AGAP1: variants seen among roughly 807,000 people sequenced by gnomAD.
AGAP1 encodes the protein ArfGAP with GTPase domain, ankyrin repeat and PH domain 1, also known as arf-GAP with GTPase, ANK repeat and PH domain-containing protein 1.
Under a neutral mutation model 105.3 loss-of-function variants are expected in AGAP1, and 29 were observed. That is an observed-to-expected ratio of 0.28 (90% confidence interval 0.21 to 0.38). The LOEUF (loss-of-function observed/expected upper bound fraction) is 0.38. Ranked by LOEUF, AGAP1 falls within the 10% of genes least tolerant of loss-of-function variation. The probability of loss-of-function intolerance (pLI) is 1.00; values close to 1 mark genes in which losing one functional copy is unlikely to be tolerated. For missense variants in AGAP1, 998 were observed against 1,165.1 expected, an observed-to-expected ratio of 0.86 and a Z score of 2.09; for synonymous variants, 509 against 485.9, an observed-to-expected ratio of 1.05 and a Z score of -0.63.
rs565417384 is a variant in AGAP1 at position 235,729,389 on chromosome 2, C to T, written c.311-11574C>T. 3.3e-5 allele frequency among the ~76,000 whole-genome samples: 5 copies of T among 152,268 alleles called. No homozygotes were observed. Among genetic ancestry groups the T allele is most frequent in the African/African-American group, 9.6e-5 (4 of 41,514 alleles). On this transcript the variant is annotated intron_variant, in intron 3 of 17. Coordinates refer to ENST00000304032, the MANE Select transcript of AGAP1 (RefSeq NM_001037131.3). This position sits in a 1 kb window ranked among gnomAD's most constrained non-coding sequence, Gnocchi z 5.0. ...CAGTACCTCAGTGGCAGATGCAGCTCGTTCCAAGATGTTCCAGAGGCAGGA... is the reference window on the plus strand; with the variant it reads ...CAGTACCTCAGTGGCAGATGCAGCTTGTTCCAAGATGTTCCAGAGGCAGGA...
chr2:235,720,272 T>C lies in AGAP1; in HGVS notation c.310+2628T>C, dbSNP rs902096152. Among the ~76,000 whole-genome samples the C allele has an allele frequency of 6.6e-6, 1 of 152,216 alleles. No individual in the cohort carries two copies. Among genetic ancestry groups the C allele is most frequent in the Non-Finnish European group, 1.5e-5 (1 of 68,036 alleles). ...TGAGTTAGTGTTGATCAATTACCCA[T>C]GCTTTGCTTAATTGAGAAGCTTTAG... On this transcript the variant is annotated intron_variant, in intron 3 of 17. Coordinates refer to ENST00000304032, the MANE Select transcript of AGAP1 (RefSeq NM_001037131.3). This position sits in a 1 kb window ranked among gnomAD's most constrained non-coding sequence, Gnocchi z 5.0.
At chr2:235,515,898 G>A (rs1228390811) in intron 1 of AGAP1, among the ~76,000 whole-genome samples, 2 of 152,112 alleles carry the variant, frequency 1.3e-5, no homozygotes, top group Non-Finnish European at 1.5e-5. Context: ...GGGGGTGAGG[G>A]GAGCTCAGCA....
rs1307125212 is a variant in AGAP1 at position 235,692,251 on chromosome 2, A to C, written c.164-16928A>C. Among the ~76,000 whole-genome samples the C allele has an allele frequency of 6.6e-6, 1 of 151,944 alleles. No homozygotes were observed. Among genetic ancestry groups the C allele is most frequent in the Non-Finnish European group, 1.5e-5 (1 of 67,982 alleles). ...CATGTAGATATGCCCGCTGCCTTGC[A>C]CCTGTTCCTCTGGCCTCGCCTCTGT... On this transcript the variant is annotated intron_variant, in intron 1 of 17. Transcript: ENST00000304032. The surrounding 1 kb of genome is among the most constrained non-coding windows in gnomAD (Gnocchi z 5.8).
At chr2:235,768,253 T>C (rs1955140076) in intron 6 of AGAP1, among the ~76,000 whole-genome samples, 1 of 152,248 alleles carries the variant, frequency 6.6e-6, no homozygotes, top group African/African-American at 2.4e-5. Context: ...GCATCTCATA[T>C]TAGAACACTT....
At position 236,082,301 on chromosome 2, in the gene AGAP1, A is replaced by T. The variant is rs1365531311; in HGVS notation, c.2114+33020A>T. Among the ~76,000 whole-genome samples the T allele has an allele frequency of 6.6e-6, 1 of 152,234 alleles. No individual in the cohort carries two copies. The highest frequency in any genetic ancestry group is 1.5e-5 in the Non-Finnish European group (1 of 68,036). ...ACTGCGGTTAATTATGGAGCAATCA[A>T]ACCTTGGCTTTTCCACTGTAATTTC... On this transcript the variant is annotated intron_variant, in intron 16 of 17. Coordinates refer to ENST00000304032, the MANE Select transcript of AGAP1 (RefSeq NM_001037131.3). The surrounding 1 kb of genome is among the most constrained non-coding windows in gnomAD (Gnocchi z 4.2).
In AGAP1 at chr2:235,559,893, TTATTAGA is replaced by T. The variant is rs1163554257; in HGVS notation, c.163+65048_163+65054del. On this transcript the variant is annotated intron_variant, in intron 1 of 17. Coordinates refer to ENST00000304032, the MANE Select transcript of AGAP1 (RefSeq NM_001037131.3). This position sits in a 1 kb window ranked among gnomAD's most constrained non-coding sequence, Gnocchi z 5.7. The stretch of plus-strand genomic sequence containing the variant: ...TTTATGGATTCTGGATACTAGACAC[TTATTAGA>T]TATATGATTTGCAAATATATTCTTT... Among the ~76,000 whole-genome samples the T allele has an allele frequency of 5.9e-5, 9 of 152,206 alleles. No homozygotes were observed. The highest frequency in any genetic ancestry group is 1.9e-4 in the African/African-American group (8 of 41,466).
intron 1 of AGAP1, among the ~76,000 whole-genome samples, chr2:235,523,623 A>G (rs1025447179): frequency 6.6e-6 from 1 of 152,114 alleles, no homozygotes; most frequent in African/African-American, 2.4e-5. Context: ...GCTTTATCCC[A>G]CCCAGGGATG....
intron 6 of AGAP1, among the ~76,000 whole-genome samples, chr2:235,763,060 G>A (rs1197826759): frequency 5.7e-5 from 6 of 105,962 alleles, no homozygotes; most frequent in East Asian, 6.6e-4. Context: ...GTATGTGTGC[G>A]CGCGCGCGCA....
intron 1 of AGAP1, among the ~76,000 whole-genome samples, chr2:235,547,440 C>G (rs902362980): frequency 2.7e-5 from 4 of 150,672 alleles, no homozygotes; most frequent in Admixed American, 6.6e-5. Flanking sequence ...CTCACTGCAA[C>G]CTCTGCCTCC....
intron 1 of AGAP1, among the ~76,000 whole-genome samples, chr2:235,521,627 C>T (rs1051476211): frequency 6.6e-6 from 1 of 152,060 alleles, no homozygotes; most frequent in Admixed American, 6.6e-5. Flanking sequence ...GAAACCACTC[C>T]ATAGTGTGGG....
At chr2:235,849,095 G>A (rs1457943711) in intron 9 of AGAP1, among the ~76,000 whole-genome samples, 1 of 152,186 alleles carries the variant, frequency 6.6e-6, no homozygotes, top group Non-Finnish European at 1.5e-5. Flanking sequence ...CCCACCATTG[G>A]CAGCTGACAG....
At chr2:235,710,972 T>G (rs1245036355) in intron 2 of AGAP1, among the ~76,000 whole-genome samples, 1 of 152,122 alleles carries the variant, frequency 6.6e-6, no homozygotes, top group African/African-American at 2.4e-5. Flanking sequence ...TTATCCCCAT[T>G]TCACAGATGA....
Position 236,045,679 on chromosome 2 carries a change from G to A in AGAP1, c.1892-3380G>A, listed in dbSNP as rs2057695859. On this transcript the variant is annotated intron_variant, in intron 15 of 17. Transcript: ENST00000304032. The surrounding 1 kb of genome is among the most constrained non-coding windows in gnomAD (Gnocchi z 6.9). ...GCAGAGGTCTGAGTCCGTGCCAGGA[G>A]GCTGGGATCAGCCACAGGCCGAGGT... Among the ~76,000 whole-genome samples the A allele has an allele frequency of 6.6e-6, 1 of 152,256 alleles. No homozygotes were observed. The highest frequency in any genetic ancestry group is 2.4e-5 in the African/African-American group (1 of 41,472).
rs1405179046 is a variant in AGAP1 at position 235,891,127 on chromosome 2, C to CAAA, written c.1155+7679_1155+7680insAAA. ...AGGGGTTCCCAGGGTGCAGGACTTT[C>CAAA]ATAGCTAACATCAGGGAAGTCCCAG... On this transcript the variant is annotated intron_variant, in intron 10 of 17. Coordinates refer to ENST00000304032, the MANE Select transcript of AGAP1 (RefSeq NM_001037131.3). This position sits in a 1 kb window ranked among gnomAD's most constrained non-coding sequence, Gnocchi z 4.2. Among the ~76,000 whole-genome samples, 2 of 152,154 alleles carry CAAA rather than the reference C, an allele frequency of 1.3e-5. No individual in the cohort carries two copies. The highest frequency in any genetic ancestry group is 1.3e-4 in the Admixed American group (2 of 15,272).
At position 235,959,084 on chromosome 2, in the gene AGAP1, A is replaced by T. The variant is rs1256024120; in HGVS notation, c.1484-9378A>T. 6.6e-6 allele frequency among the ~76,000 whole-genome samples: 1 copy of T among 152,032 alleles called. No individual in the cohort carries two copies. The highest frequency in any genetic ancestry group is 1.5e-5 in the Non-Finnish European group (1 of 68,016). ...AGTCCCTCCGTCAGAGCCGGTTTAG[A>T]TGTGGAGTAATGAGGCGCTCGCTTT... On this transcript the variant is annotated intron_variant, in intron 12 of 17. Transcript: ENST00000304032. The surrounding 1 kb of genome is among the most constrained non-coding windows in gnomAD (Gnocchi z 7.3).
chr2:235,718,136 AT>A lies in AGAP1; in HGVS notation c.310+503del, dbSNP rs528028937. On this transcript the variant is annotated intron_variant, in intron 3 of 17. Coordinates refer to ENST00000304032, the MANE Select transcript of AGAP1 (RefSeq NM_001037131.3). ...AATAATCATTTTGCATGAGAGTAAGATTTTTTTTTTTGCCATTAGGCATTTG... is the reference window on the plus strand; with the variant it reads ...AATAATCATTTTGCATGAGAGTAAGATTTTTTTTTTGCCATTAGGCATTTG... Among the ~76,000 whole-genome samples the A allele has an allele frequency of 4.5e-3, 673 of 148,124 alleles. 8 individuals are homozygous for A. Among genetic ancestry groups the A allele is most frequent in the East Asian group, 0.021 (105 of 5,102 alleles).
intron 1 of AGAP1, among the ~76,000 whole-genome samples, chr2:235,585,277 C>CT (rs992881969): frequency 2.0e-5 from 3 of 152,172 alleles, no homozygotes; most frequent in African/African-American, 7.2e-5. Flanking sequence ...GATTTCCTTG[C>CT]TTTTTCCAGC....
chr2:235,923,323 C>G (rs60482661), intron 11 of AGAP1, among the ~76,000 whole-genome samples: 5 of 152,288 alleles, frequency 3.3e-5, no homozygotes, highest in East Asian at 3.9e-4. Flanking sequence ...CTTACACTTC[C>G]TGACCTGACC....
chr2:235,883,594 A>G lies in AGAP1; in HGVS notation c.1155+145A>G. Reference sequence around the variant, plus strand: ...TCTCCTGCTCAACTGTGAGATAAATAACCCTGTTCCTCACACTCCACTAGA... The same window carrying G: ...TCTCCTGCTCAACTGTGAGATAAATGACCCTGTTCCTCACACTCCACTAGA... On this transcript the variant is annotated intron_variant, in intron 10 of 17. Transcript: ENST00000304032. The surrounding 1 kb of genome is among the most constrained non-coding windows in gnomAD (Gnocchi z 4.5). 1.6e-6 allele frequency: 1 copy of G among 634,048 alleles called. No individual in the cohort carries two copies. The highest frequency in any genetic ancestry group is 2.7e-5 in the East Asian group (1 of 36,924). 39.3% of individuals were successfully genotyped at this position (634,048 alleles called of 1,614,324 possible).
Sources: gnomAD v4.1 joint callset for allele counts (sites outside exome capture counted in the v4.1 genomes callset) on GRCh38, gnomAD v4.1.1 for gene constraint, Gnocchi (gnomAD v3.1) non-coding constraint, MANE v1.5 for transcripts, NCBI Gene and HGNC (gene_info 2026-07-23, HGNC 2026-07-21) for gene names.